CPS1: variants seen among roughly 807,000 people sequenced by gnomAD.
The protein encoded by CPS1 is carbamoyl-phosphate synthase [ammonia], mitochondrial.
A neutral mutation model predicts 174.6 loss-of-function variants in CPS1; 109 were observed. The observed-to-expected ratio is 0.62, with a 90% CI of 0.53 to 0.73. The LOEUF (loss-of-function observed/expected upper bound fraction) is 0.73. CPS1 is among the 30% of genes least tolerant of loss of function. CPS1 has a pLI of 0.00. For missense variants in CPS1, 1,689 were observed against 1,821.9 expected, an observed-to-expected ratio of 0.93 and a Z score of 1.33; for synonymous variants, 637 against 632.0, an observed-to-expected ratio of 1.01 and a Z score of -0.12.
intron 1 of CPS1, among the ~76,000 whole-genome samples, chr2:210,541,593 GCTGA>G (rs1224309953): frequency 3.9e-5 from 6 of 152,146 alleles, no homozygotes; most frequent in Non-Finnish European, 4.4e-5. Flanking sequence ...GATCAGTTGT[GCTGA>G]CTAAGAGAAG....
intron 34 of CPS1, chr2:210,673,644 T>A (rs1215289835): frequency 6.6e-6 from 1 of 152,086 alleles, no homozygotes; most frequent in Non-Finnish European, 1.5e-5. Flanking sequence ...AGGAATCTAG[T>A]TTTTAGGGGG....
intron 30 of CPS1, chr2:210,658,350 G>A (rs1282530483): frequency 4.7e-6 from 2 of 421,530 alleles, no homozygotes; most frequent in African/African-American, 2.0e-5. Flanking sequence ...GTAGATAGGG[G>A]AATTTGGCAG....
intron 1 of CPS1, among the ~76,000 whole-genome samples, chr2:210,486,128 AC>A (rs1694714516): frequency 4.9e-5 from 5 of 102,832 alleles, no homozygotes; most frequent in Admixed American, 4.8e-4. Flanking sequence ...ACACACACAC[AC>A]ACACACACAC....
In CPS1 at chr2:210,656,503, CTTTT is replaced by C. The variant is rs58225253; in HGVS notation, c.3559-10_3559-7del. Reference sequence around the variant, plus strand: ...GTACCTGAAAACTTTTTCTAAAATCCTTTTTTTTTTTTTTTGGCCAGGTTATCTC... The same window carrying C: ...GTACCTGAAAACTTTTTCTAAAATCCTTTTTTTTTTTGGCCAGGTTATCTC... On this transcript the variant is annotated intron_variant, in intron 29 of 37. Coordinates refer to ENST00000233072, the MANE Select transcript of CPS1 (RefSeq NM_001875.5). The C allele has an allele frequency of 8.1e-4, 1,013 of 1,246,542 alleles. No individual in the cohort carries two copies. The highest frequency in any genetic ancestry group is 9.6e-4 in the Non-Finnish European group (849 of 887,604). The allele number at this position is 1,246,542 out of a possible 1,614,324, so 77.2% of individuals were successfully genotyped here.
chr2:210,484,032 T>C (rs1207798915), intron 1 of CPS1, among the ~76,000 whole-genome samples: 2 of 152,128 alleles, frequency 1.3e-5, no homozygotes, highest in Non-Finnish European at 2.9e-5. Flanking sequence ...AATAAGAAAC[T>C]GAATAAGCAA....
intron 32 of CPS1, among the ~76,000 whole-genome samples, chr2:210,662,536 G>A (rs1700958515): frequency 6.6e-6 from 1 of 152,172 alleles, no homozygotes; most frequent in Non-Finnish European, 1.5e-5. Flanking sequence ...AATTGCATCA[G>A]TAAAATAAAT....
At chr2:210,602,953 ACTT>A (rs1486412873) in intron 16 of CPS1, among the ~76,000 whole-genome samples, 3 of 152,024 alleles carry the variant, frequency 2.0e-5, no homozygotes, top group African/African-American at 7.2e-5. Flanking sequence ...ATTAGGAACT[ACTT>A]CTTTCTTTGC....
chr2:210,586,852 T>G (rs905478667), intron 6 of CPS1, among the ~76,000 whole-genome samples: 3 of 152,056 alleles, frequency 2.0e-5, no homozygotes, highest in Admixed American at 2.0e-4. Context: ...ATTTTGTGAG[T>G]TTTGTTTGAC....
upstream of CPS1, chr2:210,556,586 T>A (rs1009732478): frequency 8.7e-6 from 13 of 1,487,944 alleles, no homozygotes; most frequent in African/African-American, 1.4e-5. Flanking sequence ...AATGGCAGAA[T>A]GAATGGAAAT....
intron 32 of CPS1, among the ~76,000 whole-genome samples, chr2:210,662,641 A>C (rs922400886): frequency 3.3e-5 from 5 of 152,258 alleles, no homozygotes; most frequent in African/African-American, 1.2e-4. Context: ...AGAGGTGTCA[A>C]CAACAGTTTA....
At chr2:210,488,390 G>A (rs17771664) in intron 1 of CPS1, among the ~76,000 whole-genome samples, 31,117 of 152,092 alleles carry the variant, frequency 0.2, 3,718 homozygotes, top group Middle Eastern at 0.34. Flanking sequence ...TTTGAAAAGC[G>A]AGGAAGTGTG....
Position 210,637,790 on chromosome 2 carries a change from G to A in CPS1, c.2776G>A (p.Ala926Thr). Residue 926 changes from alanine to threonine, a missense_variant, in exon 22 of 38, where the codon GCC becomes ACC. Ala to Thr is a moderately conservative substitution (Grantham distance 58). Transcript: ENST00000233072. ...QISKCLGLTE[A>T]QTRELRLKKN... ...TTCAAAATGCCTTGGGCTCACTGAG[G>A]CCCAGACAAGGGAGCTGAGGTTAAA... 2 of 1,613,924 alleles carry A rather than the reference G, an allele frequency of 1.2e-6. No homozygotes were observed. Among genetic ancestry groups the A allele is most frequent in the Non-Finnish European group, 1.7e-6 (2 of 1,179,888 alleles).
chr2:210,554,081 ACATATG>A (rs1696802397), upstream of CPS1, among the ~76,000 whole-genome samples: 1 of 147,252 alleles, frequency 6.8e-6, no homozygotes, highest in East Asian at 2.0e-4. Flanking sequence ...ATATATACAT[ACATATG>A]TATATGTATG....
intron 1 of CPS1, chr2:210,519,836 T>C: frequency 1.0e-6 from 1 of 968,092 alleles, no homozygotes; most frequent in Non-Finnish European, 1.2e-6. Context: ...AAGTTCCTAA[T>C]GAAAAAATGG....
At chr2:210,654,224 G>A in intron 29 of CPS1, 122 bp downstream of exon 29, 4 of 830,908 alleles carry the variant, frequency 4.8e-6, no homozygotes, top group Non-Finnish European at 8.0e-6. Flanking sequence ...AGTAATAGTG[G>A]AGAAGCTGTA....
At chr2:210,668,402 G>A (rs982473006) in intron 34 of CPS1, 118 bp downstream of exon 34, 3 of 790,594 alleles carry the variant, frequency 3.8e-6, no homozygotes, top group South Asian at 1.4e-5. Flanking sequence ...TTCCGTTTAT[G>A]GCAACTTCCA....
chr2:210,648,089 G>A, intron 26 of CPS1, 32 bp downstream of exon 26: 2 of 1,603,882 alleles, frequency 1.2e-6, no homozygotes, highest in Non-Finnish European at 1.7e-6. Context: ...TGTTTCTAAT[G>A]TTCTATTTTG....
At chr2:210,587,783 A>G (rs760687679) in intron 6 of CPS1, among the ~76,000 whole-genome samples, 1 of 152,118 alleles carries the variant, frequency 6.6e-6, no homozygotes, top group Non-Finnish European at 1.5e-5. Context: ...ATGGTTAACT[A>G]TGCATGCAAC....
At chr2:210,593,593 T>C in intron 11 of CPS1, 1 of 985,542 alleles carries the variant, frequency 1.0e-6, no homozygotes, top group East Asian at 1.1e-4. Context: ...CAGAAAAATC[T>C]GAAGTCTATT....
Sources: gnomAD v4.1 joint callset for allele counts (sites outside exome capture counted in the v4.1 genomes callset) on GRCh38, gnomAD v4.1.1 for gene constraint, MANE v1.5 for transcripts, NCBI Gene and HGNC (gene_info 2026-07-23, HGNC 2026-07-21) for gene names.